MAP2K5: variants seen among roughly 807,000 people sequenced by gnomAD.
The protein encoded by MAP2K5 is mitogen-activated protein kinase kinase 5, also known as dual specificity mitogen-activated protein kinase kinase 5.
A neutral mutation model predicts 83.1 loss-of-function variants in MAP2K5; 49 were observed. The observed-to-expected ratio is 0.59, with a 90% CI of 0.47 to 0.75. MAP2K5 has a LOEUF of 0.75. MAP2K5 is among the 30% of genes least tolerant of loss of function. The pLI is 0.00. For synonymous variants in MAP2K5, 202 were observed against 191.8 expected, an observed-to-expected ratio of 1.05 and a Z score of -0.44; for missense variants, 457 against 557.5, an observed-to-expected ratio of 0.82 and a Z score of 1.82.
Position 67,652,638 on chromosome 15 carries a change from G to A in MAP2K5, c.737-5915G>A, listed in dbSNP as rs534236625. ...GAGATTTCAACATGAGTTTTGAAGG[G>A]GACAAATATTCAAACTGTATCAGCC... is the stretch of plus-strand genomic sequence containing the variant. On this transcript the variant is annotated intron_variant, in intron 11 of 21. Transcript: ENST00000178640. The surrounding 1 kb of genome is among the most constrained non-coding windows in gnomAD (Gnocchi z 4.2). Among the ~76,000 whole-genome samples the A allele has an allele frequency of 1.3e-5, 2 of 152,176 alleles. No individual in the cohort carries two copies. The highest frequency in any genetic ancestry group is 1.9e-4 in the East Asian group (1 of 5,188).
chr15:67,606,198 TAGTA>T (rs1272579920), intron 8 of MAP2K5, among the ~76,000 whole-genome samples: 2 of 152,246 alleles, frequency 1.3e-5, no homozygotes, highest in Non-Finnish European at 2.9e-5. Context: ...GATTAAATCA[TAGTA>T]AGTCAGTTAG....
At chr15:67,596,097 T>A (rs1190917976) in intron 7 of MAP2K5, among the ~76,000 whole-genome samples, 4 of 152,202 alleles carry the variant, frequency 2.6e-5, no homozygotes, top group Admixed American at 1.3e-4. Context: ...CAGCTGCATC[T>A]TTTGGCTGTT....
At chr15:67,566,578 A>G (rs1020926748) in intron 3 of MAP2K5, among the ~76,000 whole-genome samples, 2 of 152,216 alleles carry the variant, frequency 1.3e-5, no homozygotes, top group Non-Finnish European at 2.9e-5. Context: ...CACTTTTACC[A>G]TTAGTCCTTT....
intron 11 of MAP2K5, among the ~76,000 whole-genome samples, chr15:67,658,178 CT>C (rs1357390903): frequency 6.6e-6 from 1 of 152,042 alleles, no homozygotes; most frequent in Non-Finnish European, 1.5e-5. Flanking sequence ...AGATATTACC[CT>C]GGTTTACATT....
intron 16 of MAP2K5, among the ~76,000 whole-genome samples, chr15:67,704,290 A>G (rs2141216858): frequency 6.6e-6 from 1 of 152,314 alleles, no homozygotes; most frequent in Non-Finnish European, 1.5e-5. Context: ...GGGTCTTGCC[A>G]TATTGCCTGG....
At chr15:67,645,923 G>T (rs115634824) in intron 9 of MAP2K5, among the ~76,000 whole-genome samples, 2 of 152,066 alleles carry the variant, frequency 1.3e-5, no homozygotes, top group Admixed American at 1.3e-4. Context: ...AGCCAATGTG[G>T]CTAAAATAGA....
In MAP2K5 at chr15:67,668,482, T is replaced by A. The variant is rs923418707; in HGVS notation, c.847+3837T>A. Among the ~76,000 whole-genome samples, 3 of 152,016 alleles carry A rather than the reference T, an allele frequency of 2.0e-5. No homozygotes were observed. The highest frequency in any genetic ancestry group is 7.2e-5 in the African/African-American group (3 of 41,386). On this transcript the variant is annotated intron_variant, in intron 13 of 21. Transcript: ENST00000178640. The surrounding 1 kb of genome is among the most constrained non-coding windows in gnomAD (Gnocchi z 4.0). ...TGACTATGGGTAAAAACAAAGAAAATGAACAGTGAGAAAATCTGTTAGGCC... is the reference window on the plus strand; with the variant it reads ...TGACTATGGGTAAAAACAAAGAAAAAGAACAGTGAGAAAATCTGTTAGGCC...
chr15:67,646,879 T>A (rs1018705891), intron 11 of MAP2K5, among the ~76,000 whole-genome samples: 2 of 152,206 alleles, frequency 1.3e-5, no homozygotes, highest in Admixed American at 6.5e-5. Flanking sequence ...GGTTCTTAAT[T>A]GCAAGATAAG....
intron 13 of MAP2K5, chr15:67,679,579 A>G (rs2087766080): frequency 6.6e-6 from 1 of 152,150 alleles, no homozygotes; most frequent in African/African-American, 2.4e-5. Context: ...ATCTTTCTTT[A>G]AATATTTGTA....
At chr15:67,804,115 GC>G (rs542654906) in intron 21 of MAP2K5, among the ~76,000 whole-genome samples, 92 of 152,292 alleles carry the variant, frequency 6.0e-4, no homozygotes, top group Admixed American at 2.7e-3. Flanking sequence ...GGGTGTAATG[GC>G]CCCAGGGTCT....
At chr15:67,784,423 T>A (rs145429093) in intron 21 of MAP2K5, among the ~76,000 whole-genome samples, 1 of 152,154 alleles carries the variant, frequency 6.6e-6, no homozygotes, top group African/African-American at 2.4e-5. Context: ...TTCAGCAGAG[T>A]GTGCTTGTGA....
At position 67,746,453 on chromosome 15, in the gene MAP2K5, G is replaced by T. The variant is rs2089607853; in HGVS notation, c.1075-1778G>T. 6.6e-6 allele frequency among the ~76,000 whole-genome samples: 1 copy of T among 152,034 alleles called. No individual in the cohort carries two copies. The highest frequency in any genetic ancestry group is 2.1e-4 in the South Asian group (1 of 4,810). ...AGGGGTGGGGGGAGTATCAGTGTGT[G>T]CTTGAAAAAAAAATAAAAGCAAACT... On this transcript the variant is annotated intron_variant, in intron 17 of 21. Coordinates refer to ENST00000178640, the MANE Select transcript of MAP2K5 (RefSeq NM_145160.3). The surrounding 1 kb of genome is among the most constrained non-coding windows in gnomAD (Gnocchi z 4.1).
chr15:67,806,647 G>T lies in MAP2K5; in HGVS notation c.1244G>T (p.Gly415Val). Residue 415 changes from glycine to valine, a missense_variant and splice_region_variant, in exon 22 of 22, where the codon GGC (glycine) becomes GTC (valine). Gly to Val is a moderately radical substitution (Grantham distance 109). This residue lies in a region of MAP2K5 where 55 missense variants were observed against 50.9 expected (regional missense o/e 1.08). Coordinates refer to ENST00000178640, the MANE Select transcript of MAP2K5 (RefSeq NM_145160.3). ...ACAGCCTCCTCCTCTTCCCCGCAGG[G>T]CCACCCGTTCATCGTGCAGTTCAAT... is the stretch of plus-strand genomic sequence containing the variant. ...KERPAPEELMGHPFIVQFNDG... is the reference protein window; with the variant it reads ...KERPAPEELMVHPFIVQFNDG... The T allele has an allele frequency of 6.5e-7, 1 of 1,550,172 alleles. No individual in the cohort carries two copies. Among genetic ancestry groups the T allele is most frequent in the South Asian group, 1.2e-5 (1 of 84,026 alleles).
At chr15:67,597,258 G>T (rs777765969) in intron 7 of MAP2K5, among the ~76,000 whole-genome samples, 46 of 151,534 alleles carry the variant, frequency 3.0e-4, no homozygotes, top group Non-Finnish European at 2.9e-5. Flanking sequence ...TTAAAGAGCT[G>T]TGTGATTTTA....
chr15:67,655,990 A>T (rs2087064747), intron 11 of MAP2K5, among the ~76,000 whole-genome samples: 1 of 152,132 alleles, frequency 6.6e-6, no homozygotes, highest in South Asian at 2.1e-4. Flanking sequence ...TGCTGTCTCA[A>T]ATATGCTGTT....
rs145294578 is a variant in MAP2K5, at chr15:67,572,985, C to A, written c.253-7769C>A. Among the ~76,000 whole-genome samples the A allele has an allele frequency of 6.6e-6, 1 of 152,092 alleles. No homozygotes were observed. On this transcript the variant is annotated intron_variant, in intron 3 of 21. Coordinates refer to ENST00000178640, the MANE Select transcript of MAP2K5 (RefSeq NM_145160.3). The surrounding 1 kb of genome is among the most constrained non-coding windows in gnomAD (Gnocchi z 4.2). The stretch of plus-strand genomic sequence containing the variant: ...TGCTGGGATTACAGGCGTGAGCCAC[C>A]GTGCCTGGCCTGATATTATTTTGTT...
chr15:67,567,509 C>T (rs542533047), intron 3 of MAP2K5, among the ~76,000 whole-genome samples: 11 of 152,008 alleles, frequency 7.2e-5, no homozygotes, highest in East Asian at 1.9e-4. Context: ...GGACTACAGG[C>T]GCCCGCCACC....
chr15:67,740,251 T>C (rs1008096326), intron 17 of MAP2K5, among the ~76,000 whole-genome samples: 4 of 152,146 alleles, frequency 2.6e-5, no homozygotes, highest in Admixed American at 1.3e-4. Flanking sequence ...TAAACATATA[T>C]GAAATCGATA....
chr15:67,622,257 C>G (rs1167845603), intron 8 of MAP2K5, among the ~76,000 whole-genome samples: 3 of 151,640 alleles, frequency 2.0e-5, no homozygotes, highest in Non-Finnish European at 4.4e-5. Context: ...AGCAATGGAG[C>G]AAACCAGGTA....
Sources: allele counts gnomAD v4.1 joint callset (sites outside exome capture counted in the v4.1 genomes callset), GRCh38; gene constraint gnomAD v4.1.1; regional missense constraint gnomAD v4.1.1; non-coding constraint Gnocchi (gnomAD v3.1); transcripts MANE v1.5; gene names NCBI Gene and HGNC (gene_info 2026-07-23, HGNC 2026-07-21).